PRKCB: variants seen among roughly 807,000 people sequenced by gnomAD.
The protein encoded by PRKCB is protein kinase C beta type.
A neutral mutation model predicts 81.5 loss-of-function variants in PRKCB; 13 were observed. The ratio of observed to expected loss-of-function variants is 0.16; its 90% CI spans 0.10 to 0.25. The LOEUF (loss-of-function observed/expected upper bound fraction) is 0.25. Ranked by LOEUF, PRKCB falls within the 10% of genes least tolerant of loss-of-function variation. The pLI, the probability that PRKCB is intolerant of heterozygous loss-of-function variation, is 1.00. For missense variants in PRKCB, 509 were observed against 875.7 expected (o/e 0.58, Z 5.29); for synonymous variants, 335 against 321.4 (o/e 1.04, Z -0.45).
In PRKCB at chr16:24,219,444, T is replaced by C. The variant is rs1472512553; in HGVS notation, c.*4628T>C. ...GTCAATTCCTTTCATTAAGCAGTGA[T>C]CTGATTTCTCCACATGGCCATTCTG... is the stretch of plus-strand genomic sequence containing the variant. On this transcript the variant is annotated 3_prime_UTR_variant, in exon 17 of 17. Coordinates refer to ENST00000643927, the MANE Select transcript of PRKCB (RefSeq NM_002738.7). 3.0e-6 allele frequency: 3 copies of C among 986,228 alleles called. No homozygotes were observed. In the African/African-American group the frequency reaches 5.2e-5, roughly 17 times the overall value. 61.1% of individuals were successfully genotyped at this position (986,228 alleles called of 1,614,324 possible).
intron 2 of PRKCB, among the ~76,000 whole-genome samples, chr16:23,925,410 C>T (rs1963882385): frequency 6.6e-6 from 1 of 152,028 alleles, no homozygotes; most frequent in Admixed American, 6.6e-5. Flanking sequence ...TCACTCTCTT[C>T]CTGGACGTGA....
At chr16:23,868,221 A>G (rs977125616) in intron 2 of PRKCB, among the ~76,000 whole-genome samples, 1 of 152,206 alleles carries the variant, frequency 6.6e-6, no homozygotes, top group Non-Finnish European at 1.5e-5. Flanking sequence ...TCCTTTACAA[A>G]TAGAGGCAAG....
chr16:24,083,783 T>C (rs773384567), intron 5 of PRKCB, among the ~76,000 whole-genome samples: 1 of 152,196 alleles, frequency 6.6e-6, no homozygotes, highest in Non-Finnish European at 1.5e-5. Flanking sequence ...TATACATGCA[T>C]TAAAATGTAT....
chr16:24,150,948 TCA>T (rs1967071194), intron 9 of PRKCB, among the ~76,000 whole-genome samples: 1 of 152,188 alleles, frequency 6.6e-6, no homozygotes, highest in Admixed American at 6.5e-5. Context: ...CTGGGAATCT[TCA>T]CACACCCCTG....
At chr16:23,936,899 G>T (rs887605604) in intron 2 of PRKCB, among the ~76,000 whole-genome samples, 3 of 152,122 alleles carry the variant, frequency 2.0e-5, no homozygotes, top group African/African-American at 7.2e-5. Flanking sequence ...TCCCATAAGT[G>T]CTATTTCTTG....
At chr16:24,164,955 G>C (rs980239831) in intron 10 of PRKCB, among the ~76,000 whole-genome samples, 1 of 152,202 alleles carries the variant, frequency 6.6e-6, no homozygotes, top group South Asian at 2.1e-4. Flanking sequence ...GAGGCAGTAC[G>C]TGAGGTCCAT....
intron 8 of PRKCB, among the ~76,000 whole-genome samples, chr16:24,115,322 T>A (rs1016031519): frequency 2.1e-5 from 3 of 144,424 alleles, no homozygotes; most frequent in African/African-American, 7.4e-5. Flanking sequence ...AAAGTATTTA[T>A]CCCAATGATT....
At chr16:24,011,934 A>G (rs1350416248) in intron 3 of PRKCB, among the ~76,000 whole-genome samples, 2 of 152,218 alleles carry the variant, frequency 1.3e-5, no homozygotes, top group Non-Finnish European at 2.9e-5. Context: ...CATATCATAG[A>G]AATGTTTGCT....
intron 2 of PRKCB, among the ~76,000 whole-genome samples, chr16:23,940,606 T>C (rs1964129169): frequency 6.6e-6 from 1 of 152,026 alleles, no homozygotes; most frequent in Admixed American, 6.6e-5. Flanking sequence ...CTACTTCTAA[T>C]TATATATTTA....
intron 2 of PRKCB, among the ~76,000 whole-genome samples, chr16:23,888,080 C>T (rs904998999): frequency 5.3e-5 from 8 of 152,324 alleles, no homozygotes; most frequent in East Asian, 1.9e-4. Flanking sequence ...CCTCCTTTAG[C>T]GCATCAAGTC....
In PRKCB at chr16:24,217,820, C is replaced by G. The variant is rs1260268894; in HGVS notation, c.*3004C>G. The stretch of plus-strand genomic sequence containing the variant: ...AGCTCCAAATATACCTGCCTTTTAG[C>G]TCACACACTGTCCTGGAGTTCTCAG... On this transcript the variant is annotated 3_prime_UTR_variant, in exon 17 of 17. Transcript: ENST00000643927. 3 of 985,322 alleles carry G rather than the reference C, an allele frequency of 3.0e-6. No individual in the cohort carries two copies. Among genetic ancestry groups the G allele is most frequent in the African/African-American group, 1.7e-5 (1 of 57,218 alleles). The allele number at this position is 985,322 out of a possible 1,614,324, so 61.0% of individuals were successfully genotyped here. A position where few individuals can be genotyped will look rare whatever the true frequency, so the allele number is the denominator to read the frequency against.
intron 8 of PRKCB, among the ~76,000 whole-genome samples, chr16:24,114,585 A>G (rs1222410953): frequency 6.6e-6 from 1 of 152,148 alleles, no homozygotes; most frequent in Non-Finnish European, 1.5e-5. Context: ...CAGCAGGTGT[A>G]TAGGACACAT....
chr16:24,060,009 T>C (rs1263242127), intron 5 of PRKCB, among the ~76,000 whole-genome samples: 2 of 151,786 alleles, frequency 1.3e-5, no homozygotes, highest in Admixed American at 6.6e-5. Context: ...AGAATTTGGG[T>C]TGTGGAAGAA....
rs78053941 is a variant in PRKCB, at chr16:23,876,697, G to A, written c.205+39291G>A. Among the ~76,000 whole-genome samples, 374 of 150,524 alleles carry A rather than the reference G, an allele frequency of 2.5e-3. 13 individuals carry two copies. The East Asian group carries it at 0.062, about 25-fold the overall frequency. ...ACTGGTGAGATCTCTTGGAGCCCTGGAATGCAATTCATCTGGGCCAGAAGA... is the reference window on the plus strand; with the variant it reads ...ACTGGTGAGATCTCTTGGAGCCCTGAAATGCAATTCATCTGGGCCAGAAGA... On this transcript the variant is annotated intron_variant, in intron 2 of 16. Transcript: ENST00000643927.
chr16:24,052,247 C>G (rs868626400), intron 5 of PRKCB, among the ~76,000 whole-genome samples: 3 of 152,172 alleles, frequency 2.0e-5, no homozygotes, highest in Non-Finnish European at 2.9e-5. Context: ...GTGCCCCACC[C>G]TCAGAGTTTC....
chr16:24,031,641 G>A (rs190944956), intron 3 of PRKCB, among the ~76,000 whole-genome samples: 32 of 152,338 alleles, frequency 2.1e-4, no homozygotes, highest in African/African-American at 7.7e-4. Context: ...ACTGTCCACT[G>A]GGCTTTGAAC....
At chr16:24,046,188 C>T (rs559214152) in intron 5 of PRKCB, among the ~76,000 whole-genome samples, 1 of 152,240 alleles carries the variant, frequency 6.6e-6, no homozygotes, top group Non-Finnish European at 1.5e-5. Context: ...TGTTGCTTTT[C>T]TGGATGGCTT....
rs1414115812 is a variant in PRKCB at position 23,847,369 on chromosome 16, TATCTATCTGTCCATCTATCTATCTATCC to T, written c.205+9967_205+9994del. Among the ~76,000 whole-genome samples the T allele has an allele frequency of 1.6e-3, 11 of 6,812 alleles. No individual in the cohort carries two copies. The East Asian group carries it at 0.15, about 94-fold the overall frequency. The allele number at this position is 6,812 out of a possible 152,430, so 4.5% of individuals were successfully genotyped here. A position where few individuals can be genotyped will look rare whatever the true frequency, so the allele number is the denominator to read the frequency against. On this transcript the variant is annotated intron_variant, in intron 2 of 16. Coordinates refer to ENST00000643927, the MANE Select transcript of PRKCB (RefSeq NM_002738.7). ...CTATCTATCTATCTATCTATCTATC[TATCTATCTGTCCATCTATCTATCTATCC>T]ATCCATCCACCTATCCACCAATACA...
intron 3 of PRKCB, among the ~76,000 whole-genome samples, chr16:24,011,375 G>T (rs1019986588): frequency 6.6e-6 from 1 of 152,184 alleles, no homozygotes; most frequent in Admixed American, 6.5e-5. Flanking sequence ...TTGTGGATGA[G>T]AGCAGAGTGA....
Sources: allele counts gnomAD v4.1 joint callset (sites outside exome capture counted in the v4.1 genomes callset), GRCh38; gene constraint gnomAD v4.1.1; transcripts MANE v1.5; gene names NCBI Gene and HGNC (gene_info 2026-07-23, HGNC 2026-07-21).